The following TBC1D15 variants were observed in gnomAD, a reference collection of about 807,000 sequenced individuals.
TBC1D15 encodes the protein TBC1 domain family member 15.
In TBC1D15, 39 loss-of-function variants were observed where a neutral mutation model predicts 95.4. The observed-to-expected ratio is 0.41, with a 90% confidence interval of 0.32 to 0.53. TBC1D15 has a LOEUF of 0.53. Among genes scored for constraint, TBC1D15 ranks in the 20% least tolerant of loss-of-function variants. The pLI, the probability that TBC1D15 is intolerant of heterozygous loss-of-function variation, is 0.29. For synonymous variants in TBC1D15, 258 were observed against 261.3 expected, an observed-to-expected ratio of 0.99 and a Z score of 0.12; for missense variants, 733 against 794.3, an observed-to-expected ratio of 0.92 and a Z score of 0.93.
intron 1 of TBC1D15, among the ~76,000 whole-genome samples, chr12:71,868,335 T>G (rs951047930): frequency 6.6e-6 from 1 of 150,608 alleles, no homozygotes; most frequent in African/African-American, 2.4e-5. Context: ...AAGCTCTGCA[T>G]CCTGGGTTCA....
intron 9 of TBC1D15, among the ~76,000 whole-genome samples, chr12:71,897,618 T>G (rs1387713881): frequency 6.6e-6 from 1 of 152,000 alleles, no homozygotes; most frequent in Non-Finnish European, 1.5e-5. Context: ...ATTATTCTAG[T>G]AGTTGAACAA....
chr12:71,854,381 AATT>A (rs1242610007), intron 1 of TBC1D15, among the ~76,000 whole-genome samples: 1 of 152,060 alleles, frequency 6.6e-6, no homozygotes, highest in Non-Finnish European at 1.5e-5. Flanking sequence ...TTTTTGGTGG[AATT>A]AATACCTATC....
chr12:71,915,567 A>ACAT (rs1903507773), intron 12 of TBC1D15, among the ~76,000 whole-genome samples: 1 of 152,068 alleles, frequency 6.6e-6, no homozygotes, highest in South Asian at 2.1e-4. Flanking sequence ...ATAATGCCAC[A>ACAT]TACACACATG....
chr12:71,901,355 T>C (rs1459239708), intron 10 of TBC1D15, among the ~76,000 whole-genome samples: 1 of 152,072 alleles, frequency 6.6e-6, no homozygotes, highest in Non-Finnish European at 1.5e-5. Context: ...TGTTTTTTAC[T>C]AAGATGGGAA....
chr12:71,911,621 T>G (rs187975682), intron 11 of TBC1D15, among the ~76,000 whole-genome samples: 6,076 of 95,552 alleles, frequency 0.064, 373 homozygotes, highest in East Asian at 0.31. Flanking sequence ...TGGGGACTGT[T>G]GTGGGGTGGG....
intron 12 of TBC1D15, 67 bp downstream of exon 12, chr12:71,913,993 A>T (rs1395419905): frequency 4.1e-6 from 5 of 1,213,504 alleles, no homozygotes; most frequent in Non-Finnish European, 5.7e-6. Flanking sequence ...TTATAGTATA[A>T]GGTTGATTTT....
intron 12 of TBC1D15, among the ~76,000 whole-genome samples, chr12:71,915,402 T>G (rs1903431744): frequency 6.7e-6 from 1 of 148,432 alleles, no homozygotes; most frequent in African/African-American, 2.5e-5. Context: ...AATAAACATG[T>G]GAATCTTTCC....
At chr12:71,878,039 T>C (rs1420543511) in intron 3 of TBC1D15, among the ~76,000 whole-genome samples, 3 of 152,138 alleles carry the variant, frequency 2.0e-5, no homozygotes, top group African/African-American at 7.2e-5. Flanking sequence ...CCTTGGAGAA[T>C]CCCTAATGTC....
intron 11 of TBC1D15, among the ~76,000 whole-genome samples, chr12:71,908,841 A>G (rs565649040): frequency 2.6e-5 from 4 of 152,288 alleles, no homozygotes; most frequent in African/African-American, 9.6e-5. Context: ...AGTGTGACTT[A>G]TGGTCACACA....
intron 8 of TBC1D15, chr12:71,896,438 GCTGTAGTCTACTGTATT>G (rs60855995): frequency 0.21 from 84,944 of 400,816 alleles, 9,846 homozygotes; most frequent in African/African-American, 0.49. Flanking sequence ...CTGTCTGTCT[GCTGTAGTCTACTGTATT>G]CTGTAGTCTA....
At chr12:71,849,888 AC>A in intron 1 of TBC1D15, 1 of 573,024 alleles carries the variant, frequency 1.7e-6, no homozygotes, top group South Asian at 1.5e-5. Context: ...TTTGGGGTCC[AC>A]CAAAGCTTCC....
At chr12:71,890,830 A>G (rs1036219946) in intron 5 of TBC1D15, among the ~76,000 whole-genome samples, 10 of 152,224 alleles carry the variant, frequency 6.6e-5, no homozygotes, top group Admixed American at 2.0e-4. Context: ...TTAAAATATG[A>G]TATTCACTTG....
At chr12:71,897,826 A>G (rs1326156698) in intron 9 of TBC1D15, 21 bp from the exon 10 acceptor site, 1 of 1,583,542 alleles carries the variant, frequency 6.3e-7, no homozygotes, top group Middle Eastern at 1.7e-4. Context: ...GCTTTCTTTG[A>G]TGTCAAATTG....
chr12:71,918,395 TTC>T, intron 13 of TBC1D15, 54 bp from the exon 14 acceptor site: 1 of 1,123,858 alleles, frequency 8.9e-7, no homozygotes, highest in East Asian at 2.5e-5. Context: ...AGTAACTGTA[TTC>T]TGACATAATT....
intron 5 of TBC1D15, among the ~76,000 whole-genome samples, chr12:71,891,344 T>G (rs1897172589): frequency 6.6e-6 from 1 of 152,172 alleles, no homozygotes; most frequent in Non-Finnish European, 1.5e-5. Context: ...TTCAAATTGT[T>G]TAGCAGGCTG....
intron 1 of TBC1D15, chr12:71,861,629 C>T (rs1242763676): frequency 1.6e-6 from 1 of 612,436 alleles, no homozygotes; most frequent in East Asian, 3.4e-5. Flanking sequence ...TCAATTTTGG[C>T]TGCCTTTAAC....
intron 9 of TBC1D15, 31 bp from the exon 10 acceptor site, chr12:71,897,816 G>T: frequency 6.5e-7 from 1 of 1,548,800 alleles, no homozygotes; most frequent in Non-Finnish European, 8.9e-7. Flanking sequence ...TTTTCAAATA[G>T]CTTTCTTTGA....
intron 1 of TBC1D15, among the ~76,000 whole-genome samples, chr12:71,864,228 C>T (rs1466622412): frequency 5.9e-5 from 9 of 151,962 alleles, no homozygotes; most frequent in Non-Finnish European, 1.3e-4. Context: ...TGCCACCATG[C>T]CTAGCTAATT....
chr12:71,899,516 A>G (rs1428677220), intron 10 of TBC1D15, among the ~76,000 whole-genome samples: 2 of 152,108 alleles, frequency 1.3e-5, no homozygotes, highest in East Asian at 3.9e-4. Flanking sequence ...TCCCAAATGT[A>G]TTTTGAGAAT....
Sources: allele counts gnomAD v4.1 joint callset (sites outside exome capture counted in the v4.1 genomes callset), GRCh38; gene constraint gnomAD v4.1.1; transcripts MANE v1.5; gene names NCBI Gene and HGNC (gene_info 2026-07-23, HGNC 2026-07-21).